The following IGF2R variants were observed in gnomAD, a reference collection of about 807,000 sequenced individuals.
The protein encoded by IGF2R is cation-independent mannose-6-phosphate receptor.
In IGF2R, 91 loss-of-function variants were observed where a neutral mutation model predicts 270.6. That is an observed-to-expected ratio of 0.34 (90% CI 0.28 to 0.40). The LOEUF (loss-of-function observed/expected upper bound fraction) is 0.40, where lower values mean the gene tolerates loss of function less well. IGF2R is among the 10% of genes least tolerant of loss of function. The pLI, the probability that IGF2R is intolerant of heterozygous loss-of-function variation, is 1.00. For missense variants in IGF2R, 2,805 were observed against 3,188.3 expected, an observed-to-expected ratio of 0.88 and a Z score of 2.90; for synonymous variants, 1,316 against 1,258.9, an observed-to-expected ratio of 1.05 and a Z score of -0.96.
chr6:160,002,256 T>C (rs1332382415), intron 2 of IGF2R, among the ~76,000 whole-genome samples: 1 of 151,970 alleles, frequency 6.6e-6, no homozygotes, highest in African/African-American at 2.4e-5. Flanking sequence ...CCAGGCATGG[T>C]GGTGCATGCC....
chr6:160,077,491 G>A (rs2115279608), intron 36 of IGF2R, among the ~76,000 whole-genome samples: 1 of 152,338 alleles, frequency 6.6e-6, no homozygotes, highest in South Asian at 2.1e-4. Context: ...ATTAGCTAAT[G>A]TGATTTTAGT....
chr6:160,047,271 C>T lies in IGF2R; in HGVS notation c.2164C>T (p.Pro722Ser). ...GTPYNNERHTPRATLITFLCD... is the reference protein window; with the variant it reads ...GTPYNNERHTSRATLITFLCD... Reference sequence around the variant, plus strand: ...ACCCTATAACAATGAAAGACACACACCGAGAGCTACGCTCATCACCTTTCT... The same window carrying T: ...ACCCTATAACAATGAAAGACACACATCGAGAGCTACGCTCATCACCTTTCT... The change falls in exon 16 of 48, where the codon CCG becomes TCG. Residue 722 changes from proline (P) to serine (S), a missense_variant. Transcript: ENST00000356956. 6.2e-7 allele frequency: 1 copy of T among 1,613,226 alleles called. No homozygotes were observed. The highest frequency in any genetic ancestry group is 8.5e-7 in the Non-Finnish European group (1 of 1,179,876).
intron 10 of IGF2R, among the ~76,000 whole-genome samples, chr6:160,038,098 C>T (rs1268182276): frequency 6.6e-6 from 1 of 152,110 alleles, no homozygotes; most frequent in Admixed American, 6.5e-5. Flanking sequence ...CAGAGAGCTC[C>T]TTGGTTCCAT....
In IGF2R at chr6:160,004,231, A is replaced by G. The variant is rs1448650726; in HGVS notation, c.290-4779A>G. The G allele has an allele frequency of 6.6e-6, 1 of 152,236 alleles. No homozygotes were observed. Among genetic ancestry groups the G allele is most frequent in the Non-Finnish European group, 1.5e-5 (1 of 68,074 alleles). The allele number at this position is 152,236 out of a possible 1,614,324, so 9.4% of individuals were successfully genotyped here. A position where few individuals can be genotyped will look rare whatever the true frequency, so the allele number is the denominator to read the frequency against. ...GTTCTCTGTTTGCCTTGTAGGTTCT[A>G]ATTGCCATGGCAATAATATAATTGC... On this transcript the variant is annotated intron_variant, in intron 2 of 47. Transcript: ENST00000356956. The surrounding 1 kb of genome is among the most constrained non-coding windows in gnomAD (Gnocchi z 5.2).
intron 1 of IGF2R, among the ~76,000 whole-genome samples, chr6:159,974,334 C>A (rs373652929): frequency 1.7e-4 from 26 of 152,060 alleles, no homozygotes; most frequent in African/African-American, 6.3e-4. Context: ...TTTGTAGTGT[C>A]CTTTAAAAAT....
In IGF2R at chr6:160,103,876, C is replaced by T. The variant is rs1473675926; in HGVS notation, c.7065+61C>T. 3 of 1,135,700 alleles carry T rather than the reference C, an allele frequency of 2.6e-6. No homozygotes were observed. In the African/African-American group the frequency reaches 4.6e-5, roughly 17 times the overall value. The allele number at this position is 1,135,700 out of a possible 1,614,324, so 70.4% of individuals were successfully genotyped here. On this transcript the variant is annotated intron_variant, in intron 47 of 47. Transcript: ENST00000356956. ...TCCCCGGCCCCCTGTGCTGCGCTGT[C>T]CATGTCGTTCTCATCAGGGGTGCCA... is the stretch of plus-strand genomic sequence containing the variant.
intron 4 of IGF2R, among the ~76,000 whole-genome samples, chr6:160,012,314 C>T (rs1487180487): frequency 6.6e-6 from 1 of 152,094 alleles, no homozygotes; most frequent in Non-Finnish European, 1.5e-5. Context: ...AGGGTGGGAG[C>T]ACAGTGTGTT....
intron 29 of IGF2R, among the ~76,000 whole-genome samples, chr6:160,067,059 A>G (rs756815346): frequency 6.6e-6 from 1 of 152,116 alleles, no homozygotes; most frequent in African/African-American, 2.4e-5. Context: ...GAAACCTTCA[A>G]TGCAGTGAGC....
chr6:159,984,905 T>C lies in IGF2R; in HGVS notation c.150-6279T>C, dbSNP rs142780154. ...TTACAGTTATAATTGTGCTATTTTA[T>C]TATTAGTTGTTAATCTTTTACAACT... On this transcript the variant is annotated intron_variant, in intron 1 of 47. Coordinates refer to ENST00000356956, the MANE Select transcript of IGF2R (RefSeq NM_000876.4). 3.5e-3 allele frequency among the ~76,000 whole-genome samples: 533 copies of C among 152,344 alleles called. 3 individuals are homozygous for C. The highest frequency in any genetic ancestry group is 0.012 in the African/African-American group (516 of 41,578).
rs780885154 is a variant in IGF2R, at chr6:160,072,875, C to T, written c.4681C>T (p.Pro1561Ser). ...SICGENENCPPGVGACFGQTR... is the reference protein window; with the variant it reads ...SICGENENCPSGVGACFGQTR... Reference sequence around the variant, plus strand: ...CTGTGGGGAGAATGAAAACTGCCCTCCTGGCGTGGGTGAGTGCTGTGGTCT... The same window carrying T: ...CTGTGGGGAGAATGAAAACTGCCCTTCTGGCGTGGGTGAGTGCTGTGGTCT... Residue 1561 changes from proline to serine, a missense_variant, in exon 33 of 48, where the codon CCT (proline) becomes TCT (serine). By Grantham distance (74) the Pro-to-Ser change is moderately conservative. Coordinates refer to ENST00000356956, the MANE Select transcript of IGF2R (RefSeq NM_000876.4). 26 of 1,612,430 alleles carry T rather than the reference C, an allele frequency of 1.6e-5. 1 individual carries two copies. In the South Asian group the frequency reaches 2.9e-4, roughly 18 times the overall value.
intron 7 of IGF2R, among the ~76,000 whole-genome samples, chr6:160,030,993 C>T (rs1032325473): frequency 1.3e-5 from 2 of 152,136 alleles, no homozygotes; most frequent in African/African-American, 4.8e-5. Context: ...AGGCATGTGC[C>T]ACCACGCCTG....
intron 15 of IGF2R, 21 bp downstream of exon 15, chr6:160,046,666 G>A: frequency 6.2e-7 from 1 of 1,607,728 alleles, no homozygotes; most frequent in Non-Finnish European, 8.5e-7. Context: ...TCTCAGTTCT[G>A]TTTCATTCTT....
intron 13 of IGF2R, among the ~76,000 whole-genome samples, chr6:160,045,011 A>T (rs1011902662): frequency 1.3e-5 from 2 of 152,228 alleles, no homozygotes; most frequent in Non-Finnish European, 2.9e-5. Flanking sequence ...CCGTGATCTC[A>T]CCACTTAAAC....
At chr6:160,042,229 C>T (rs1777961451) in intron 11 of IGF2R, among the ~76,000 whole-genome samples, 1 of 152,172 alleles carries the variant, frequency 6.6e-6, no homozygotes, top group Admixed American at 6.5e-5. Flanking sequence ...CCTGGCTCCA[C>T]CCCAGACTTC....
rs1027175096 is a variant in IGF2R at position 160,070,111 on chromosome 6, A to G, written c.4443+53A>G. The G allele has an allele frequency of 1.9e-6, 3 of 1,563,600 alleles. No homozygotes were observed. In the African/African-American group the frequency reaches 4.1e-5, roughly 21 times the overall value. On this transcript the variant is annotated intron_variant, in intron 31 of 47. Transcript: ENST00000356956. ...TGTTGCAGCTTTGGGAATTGAGCCCATGTGCAGGGCGGTGAGCCGCACGTC... is the reference window on the plus strand; with the variant it reads ...TGTTGCAGCTTTGGGAATTGAGCCCGTGTGCAGGGCGGTGAGCCGCACGTC...
intron 4 of IGF2R, among the ~76,000 whole-genome samples, chr6:160,019,984 A>G (rs1731971973): frequency 1.3e-5 from 2 of 152,074 alleles, no homozygotes; most frequent in African/African-American, 2.4e-5. Context: ...GAGAAAGAAA[A>G]CGCATCCAGA....
chr6:160,086,913 C>G (rs573245967), intron 41 of IGF2R, among the ~76,000 whole-genome samples: 2 of 152,142 alleles, frequency 1.3e-5, no homozygotes, highest in African/African-American at 4.8e-5. Context: ...ACCTGCTTCC[C>G]CTGGACACCC....
intron 39 of IGF2R, 83 bp from the exon 40 acceptor site, chr6:160,083,867 C>G (rs1211755844): frequency 2.1e-6 from 2 of 965,604 alleles, no homozygotes; most frequent in African/African-American, 1.6e-5. Flanking sequence ...AGGGCTTTTT[C>G]AAAATGGAGT....
intron 1 of IGF2R, among the ~76,000 whole-genome samples, chr6:159,985,999 G>A (rs1783876766): frequency 6.6e-6 from 1 of 152,142 alleles, no homozygotes; most frequent in Admixed American, 6.5e-5. Flanking sequence ...TGCCTCCCTT[G>A]AGGATGGTCA....
Sources: allele counts gnomAD v4.1 joint callset (sites outside exome capture counted in the v4.1 genomes callset), GRCh38; gene constraint gnomAD v4.1.1; non-coding constraint Gnocchi (gnomAD v3.1); transcripts MANE v1.5; gene names NCBI Gene and HGNC (gene_info 2026-07-23, HGNC 2026-07-21).